Variants in SORCS2 observed in about 807,000 individuals in gnomAD.
The protein encoded by SORCS2 is sortilin related VPS10 domain containing receptor 2, also known as VPS10 domain-containing receptor SorCS2.
A neutral mutation model predicts 141.6 loss-of-function variants in SORCS2; 100 were observed. That is an observed-to-expected ratio of 0.71 (90% CI 0.60 to 0.83). The LOEUF (loss-of-function observed/expected upper bound fraction) is 0.83. SORCS2 is among the 40% of genes least tolerant of loss of function. SORCS2 has a pLI of 0.00. For missense variants in SORCS2, 1,646 were observed against 1,560.2 expected, an observed-to-expected ratio of 1.05 and a Z score of -0.93; for synonymous variants, 789 against 676.9, an observed-to-expected ratio of 1.17 and a Z score of -2.57.
intron 1 of SORCS2, among the ~76,000 whole-genome samples, chr4:7,258,859 A>G (rs151228138): frequency 6.6e-6 from 1 of 152,136 alleles, no homozygotes; most frequent in African/African-American, 2.4e-5. Flanking sequence ...TTTGATCTGC[A>G]TTTCTCTGAT....
intron 23 of SORCS2, among the ~76,000 whole-genome samples, chr4:7,732,428 G>T (rs780595531): frequency 2.6e-5 from 4 of 152,142 alleles, no homozygotes; most frequent in Non-Finnish European, 5.9e-5. Flanking sequence ...TCTGCGCCGG[G>T]CACCTCACGC....
rs970796722 is a variant in SORCS2 at position 7,663,053 on chromosome 4, A to G, written c.953-1300A>G. On this transcript the variant is annotated intron_variant, in intron 6 of 26. Transcript: ENST00000507866. The surrounding 1 kb of genome is among the most constrained non-coding windows in gnomAD (Gnocchi z 4.8). ...GAATAGGTGTGTGAGTGAAGGAATG[A>G]TTGAGTGAAAGAGTGGGTGAATGAG... 3.9e-5 allele frequency among the ~76,000 whole-genome samples: 6 copies of G among 152,048 alleles called. No homozygotes were observed. Among genetic ancestry groups the G allele is most frequent in the African/African-American group, 1.5e-4 (6 of 41,368 alleles).
At chr4:7,336,128 C>T (rs916641015) in intron 1 of SORCS2, among the ~76,000 whole-genome samples, 3 of 152,176 alleles carry the variant, frequency 2.0e-5, no homozygotes, top group Non-Finnish European at 2.9e-5. Context: ...TGCTGTGATT[C>T]GAGGGTGCTG....
At chr4:7,582,004 G>A (rs181674502) in intron 3 of SORCS2, among the ~76,000 whole-genome samples, 2 of 151,994 alleles carry the variant, frequency 1.3e-5, no homozygotes, top group Non-Finnish European at 2.9e-5. Context: ...ACATTATCAG[G>A]AATGCTTTGT....
intron 2 of SORCS2, among the ~76,000 whole-genome samples, chr4:7,481,341 A>G (rs1262075999): frequency 1.3e-5 from 2 of 152,244 alleles, no homozygotes; most frequent in Non-Finnish European, 2.9e-5. Flanking sequence ...CTAGGGCACA[A>G]GAATGCTGCC....
At chr4:7,290,796 T>TTCA (rs1553828752) in intron 1 of SORCS2, among the ~76,000 whole-genome samples, 1 of 151,246 alleles carries the variant, frequency 6.6e-6, no homozygotes, top group African/African-American at 2.4e-5. Flanking sequence ...GGCTGCATTC[T>TTCA]TTCATTCATT....
chr4:7,669,298 C>T (rs1325095194), intron 8 of SORCS2, among the ~76,000 whole-genome samples: 1 of 152,186 alleles, frequency 6.6e-6, no homozygotes, highest in Non-Finnish European at 1.5e-5. Context: ...TATCGATGTC[C>T]TCCCTCAGGG....
At chr4:7,297,890 G>A (rs533428919) in intron 1 of SORCS2, among the ~76,000 whole-genome samples, 9 of 152,364 alleles carry the variant, frequency 5.9e-5, no homozygotes, top group Admixed American at 1.3e-4. Flanking sequence ...TCCTCTGGCT[G>A]TGACTCTCTG....
chr4:7,424,542 C>G (rs1381805917), intron 2 of SORCS2, among the ~76,000 whole-genome samples: 2 of 152,186 alleles, frequency 1.3e-5, no homozygotes, highest in African/African-American at 4.8e-5. Context: ...GAGGCTTTCC[C>G]AAGTCACCCA....
At chr4:7,417,078 C>T (rs1429199066) in intron 2 of SORCS2, among the ~76,000 whole-genome samples, 1 of 152,144 alleles carries the variant, frequency 6.6e-6, no homozygotes, top group Non-Finnish European at 1.5e-5. Context: ...GCCCCCCACC[C>T]CGGGGTGGGA....
chr4:7,721,524 C>T (rs563985732), intron 18 of SORCS2, among the ~76,000 whole-genome samples: 9 of 152,056 alleles, frequency 5.9e-5, no homozygotes, highest in African/African-American at 9.7e-5. Context: ...TGGATTATGC[C>T]GAGTGAAAAA....
At chr4:7,605,559 C>A (rs543057104) in intron 3 of SORCS2, among the ~76,000 whole-genome samples, 1 of 152,234 alleles carries the variant, frequency 6.6e-6, no homozygotes. Context: ...TAACAGTGCA[C>A]CTTGAAATAT....
chr4:7,298,369 G>T (rs1239950360), intron 1 of SORCS2, among the ~76,000 whole-genome samples: 1 of 152,158 alleles, frequency 6.6e-6, no homozygotes, highest in Non-Finnish European at 1.5e-5. Flanking sequence ...CTTTCCTGGG[G>T]TCTTAGTTTG....
intron 1 of SORCS2, among the ~76,000 whole-genome samples, chr4:7,331,903 G>C (rs1308716369): frequency 6.6e-6 from 1 of 152,188 alleles, no homozygotes; most frequent in East Asian, 1.9e-4. Flanking sequence ...GATGTCGCAG[G>C]CATTCCTACA....
At chr4:7,685,300 G>C (rs1029305823) in intron 10 of SORCS2, among the ~76,000 whole-genome samples, 1 of 152,128 alleles carries the variant, frequency 6.6e-6, no homozygotes, top group Non-Finnish European at 1.5e-5. Context: ...CCTCAGGCAG[G>C]CATGTGGGAA....
intron 1 of SORCS2, among the ~76,000 whole-genome samples, chr4:7,377,282 T>C (rs2109059996): frequency 6.6e-6 from 1 of 152,274 alleles, no homozygotes; most frequent in South Asian, 2.1e-4. Context: ...GAAATGCTGC[T>C]GACGAGCACC....
At chr4:7,276,508 A>C (rs1408805080) in intron 1 of SORCS2, among the ~76,000 whole-genome samples, 3 of 152,088 alleles carry the variant, frequency 2.0e-5, no homozygotes, top group Non-Finnish European at 4.4e-5. Context: ...CCTGATGTAG[A>C]GGAGGCCCCT....
chr4:7,440,560 C>T (rs1055117368), intron 2 of SORCS2, among the ~76,000 whole-genome samples: 7 of 152,238 alleles, frequency 4.6e-5, no homozygotes, highest in Non-Finnish European at 2.9e-5. Context: ...GGCAGGGTAA[C>T]AGAGTTGCCT....
At chr4:7,649,471 G>T (rs558165285) in intron 4 of SORCS2, among the ~76,000 whole-genome samples, 1 of 152,282 alleles carries the variant, frequency 6.6e-6, no homozygotes, top group East Asian at 1.9e-4. Context: ...AGGACCGAGG[G>T]CTGAGAGCAG....
Sources: allele counts gnomAD v4.1 joint callset (sites outside exome capture counted in the v4.1 genomes callset), GRCh38; gene constraint gnomAD v4.1.1; non-coding constraint Gnocchi (gnomAD v3.1); transcripts MANE v1.5; gene names NCBI Gene and HGNC (gene_info 2026-07-23, HGNC 2026-07-21).